ZNF100: variants seen among roughly 807,000 people sequenced by gnomAD.
ZNF100 encodes the protein zinc finger protein 100 (Y1).
Under a neutral mutation model 15.8 loss-of-function variants are expected in ZNF100, and 12 were observed. The observed-to-expected ratio is 0.76, with a 90% CI of 0.49 to 1.23. The LOEUF is 1.23. Among genes scored for constraint, ZNF100 ranks in the 50% most tolerant of loss-of-function variants. ZNF100 has a pLI of 0.00. For missense variants in ZNF100, 670 were observed against 635.6 expected, an observed-to-expected ratio of 1.05 and a Z score of -0.58; for synonymous variants, 226 against 214.8, an observed-to-expected ratio of 1.05 and a Z score of -0.45.
At chr19:21,767,343 G>C (rs367575392) in intron 1 of ZNF100, 84 bp downstream of exon 1, 1 of 1,605,298 alleles carries the variant, frequency 6.2e-7, no homozygotes, top group Admixed American at 1.7e-5. Context: ...CTGCGGAGAG[G>C]CCTGAGTCCC....
At chr19:21,751,038 C>T (rs2036299183) in intron 2 of ZNF100, 5 of 1,335,478 alleles carry the variant, frequency 3.7e-6, no homozygotes, top group Middle Eastern at 2.5e-4. Flanking sequence ...ACCTGCAGCA[C>T]ATCAGCGACC....
chr19:21,734,444 A>G (rs1417140705), intron 4 of ZNF100, among the ~76,000 whole-genome samples: 1 of 152,202 alleles, frequency 6.6e-6, no homozygotes, highest in Admixed American at 6.5e-5. Context: ...GAGTAGACCA[A>G]GCAGGAAAAA....
chr19:21,766,116 T>A (rs2036556826), intron 1 of ZNF100, among the ~76,000 whole-genome samples: 4 of 152,232 alleles, frequency 2.6e-5, no homozygotes. Flanking sequence ...CGCCATTTAA[T>A]GCTTTGTCAA....
chr19:21,744,130 A>G lies in ZNF100; in HGVS notation c.224-15T>C, dbSNP rs1186744362. 1.9e-6 allele frequency: 3 copies of G among 1,579,656 alleles called. No individual in the cohort carries two copies. The highest frequency in any genetic ancestry group is 2.6e-6 in the Non-Finnish European group (3 of 1,160,852). ...AGCAATACCTGCTTTATTAGAAATA[A>G]ATAACATGAATCTTTCTCATATTCT... On this transcript the variant is annotated splice_polypyrimidine_tract_variant and intron_variant, in intron 3 of 4. Coordinates refer to ENST00000358296, the MANE Select transcript of ZNF100 (RefSeq NM_173531.4).
chr19:21,750,036 T>C (rs2036276024), intron 2 of ZNF100, among the ~76,000 whole-genome samples: 1 of 152,172 alleles, frequency 6.6e-6, no homozygotes, highest in African/African-American at 2.4e-5. Flanking sequence ...CTAAATAATA[T>C]GTCTAACTAA....
At chr19:21,746,855 C>T (rs2145722015) in intron 2 of ZNF100, 1 of 152,202 alleles carries the variant, frequency 6.6e-6, no homozygotes, top group South Asian at 2.1e-4. Context: ...CCTCTTTCTC[C>T]TTCTTCTCTT....
chr19:21,753,835 TAGA>T (rs1461799472), intron 2 of ZNF100, among the ~76,000 whole-genome samples: 1 of 152,184 alleles, frequency 6.6e-6, no homozygotes, highest in Non-Finnish European at 1.5e-5. Context: ...GCCCTAATGA[TAGA>T]AGGTGATATG....
chr19:21,758,514 T>C (rs940220493), intron 2 of ZNF100, among the ~76,000 whole-genome samples: 3 of 152,216 alleles, frequency 2.0e-5, no homozygotes, highest in Admixed American at 6.5e-5. Flanking sequence ...GATTTATTTC[T>C]GGGTCCATGC....
chr19:21,734,783 GA>G (rs2035979778), intron 4 of ZNF100, among the ~76,000 whole-genome samples: 1 of 151,952 alleles, frequency 6.6e-6, no homozygotes, highest in Non-Finnish European at 1.5e-5. Context: ...TAAACTTCAG[GA>G]AAAAATGATA....
At chr19:21,767,125 CCT>C (rs2036576951) in intron 1 of ZNF100, among the ~76,000 whole-genome samples, 1 of 152,204 alleles carries the variant, frequency 6.6e-6, no homozygotes, top group Admixed American at 6.5e-5. Flanking sequence ...AGGATTTTCC[CCT>C]GACGACCCTC....
intron 2 of ZNF100, among the ~76,000 whole-genome samples, chr19:21,756,264 A>G (rs2036391942): frequency 6.6e-6 from 1 of 152,204 alleles, no homozygotes. Context: ...AACATACTAA[A>G]TGGACACAAG....
chr19:21,742,131 T>G (rs1040868483), intron 4 of ZNF100, among the ~76,000 whole-genome samples: 1 of 151,934 alleles, frequency 6.6e-6, no homozygotes, highest in African/African-American at 2.4e-5. Flanking sequence ...CTCTGTCTCT[T>G]CTAACAATAG....
At chr19:21,758,207 G>A (rs1173310045) in intron 2 of ZNF100, among the ~76,000 whole-genome samples, 2 of 152,012 alleles carry the variant, frequency 1.3e-5, no homozygotes, top group African/African-American at 4.8e-5. Flanking sequence ...CCAAATGCAT[G>A]TTATCATTTG....
chr19:21,743,922 G>T, intron 4 of ZNF100, 95 bp downstream of exon 4: 1 of 1,255,182 alleles, frequency 8.0e-7, no homozygotes, highest in Non-Finnish European at 1.1e-6. Context: ...ATTTCCTTTG[G>T]AACATAGCTT....
At position 21,725,693 on chromosome 19, in the gene ZNF100, AAAGTT is replaced by A. The variant is rs1219628891; in HGVS notation, c.*985_*989del. Reference sequence around the variant, plus strand: ...TTTTCAAAAAATCTAATTTTTTCAAAAAGTTAAGCATACTTTGAATGCAATAACTG... The same window carrying A: ...TTTTCAAAAAATCTAATTTTTTCAAAAAGCATACTTTGAATGCAATAACTG... On this transcript the variant is annotated 3_prime_UTR_variant, in exon 5 of 5. Transcript: ENST00000358296. The A allele has an allele frequency of 6.6e-6, 1 of 151,758 alleles. No individual in the cohort carries two copies. Among genetic ancestry groups the A allele is most frequent in the Non-Finnish European group, 1.5e-5 (1 of 67,924 alleles). The allele number at this position is 151,758 out of a possible 1,614,324, so 9.4% of individuals were successfully genotyped here. A position where few individuals can be genotyped will look rare whatever the true frequency, so the allele number is the denominator to read the frequency against.
chr19:21,766,195 A>G lies in ZNF100; in HGVS notation c.4-409T>C, dbSNP rs528123588. Among the ~76,000 whole-genome samples the G allele has an allele frequency of 2.4e-4, 37 of 152,322 alleles. No individual in the cohort carries two copies. In the East Asian group the frequency reaches 7.1e-3, roughly 29 times the overall value. ...CAAATAGGTGATAATGTGAATTAGG[A>G]AGGAAAAGTTGACATTTGGGAACGC... On this transcript the variant is annotated intron_variant, in intron 1 of 4. Coordinates refer to ENST00000358296, the MANE Select transcript of ZNF100 (RefSeq NM_173531.4).
In ZNF100 at chr19:21,727,843, C is replaced by CT; in HGVS notation, c.468dup (p.Val157SerfsTer6). 6.2e-7 allele frequency: 1 copy of CT among 1,612,942 alleles called. No homozygotes were observed. Among genetic ancestry groups the CT allele is most frequent in the Non-Finnish European group, 8.5e-7 (1 of 1,179,544 alleles). The stretch of plus-strand genomic sequence containing the variant: ...AATTTGTTATCATGTTCTTTGTGCA[C>CT]TTTACACTCATCCACACTTTTACAG... On this transcript the variant is annotated frameshift_variant, in exon 5 of 5. Coordinates refer to ENST00000358296, the MANE Select transcript of ZNF100 (RefSeq NM_173531.4). LOFTEE classifies it low-confidence loss of function (END_TRUNC).
intron 4 of ZNF100, among the ~76,000 whole-genome samples, chr19:21,730,263 C>T (rs1288008115): frequency 6.6e-6 from 1 of 151,616 alleles, no homozygotes; most frequent in African/African-American, 2.4e-5. Flanking sequence ...CTGAAAGTGG[C>T]AAGATGGATG....
chr19:21,757,730 C>A (rs1478143222), intron 2 of ZNF100, among the ~76,000 whole-genome samples: 2 of 151,838 alleles, frequency 1.3e-5, no homozygotes, highest in African/African-American at 4.8e-5. Flanking sequence ...TCAGTGGTAG[C>A]CTAGATTGAA....
Sources: allele counts gnomAD v4.1 joint callset (sites outside exome capture counted in the v4.1 genomes callset), GRCh38; gene constraint gnomAD v4.1.1; transcripts MANE v1.5; gene names NCBI Gene and HGNC (gene_info 2026-07-23, HGNC 2026-07-21).